Variants in THSD7B observed in about 807,000 individuals in gnomAD.
THSD7B encodes thrombospondin type-1 domain-containing protein 7B.
In THSD7B, 138 loss-of-function variants were observed where a neutral mutation model predicts 213.6. The ratio of observed to expected loss-of-function variants is 0.65; its 90% CI spans 0.56 to 0.74. The LOEUF (loss-of-function observed/expected upper bound fraction) is 0.74, where lower values mean the gene tolerates loss of function less well. THSD7B is among the 30% of genes least tolerant of loss of function. THSD7B has a pLI of 0.00. For synonymous variants in THSD7B, 742 were observed against 687.0 expected (o/e 1.08, Z -1.25); for missense variants, 1,931 against 1,991.5 (o/e 0.97, Z 0.58).
intron 12 of THSD7B, among the ~76,000 whole-genome samples, chr2:137,340,197 T>C (rs1024869095): frequency 6.6e-6 from 1 of 151,908 alleles, no homozygotes; most frequent in Non-Finnish European, 1.5e-5. Flanking sequence ...CTAAAATATA[T>C]TCTTCATATG....
chr2:136,936,466 TA>T (rs1305299054), intron 2 of THSD7B, among the ~76,000 whole-genome samples: 1 of 152,158 alleles, frequency 6.6e-6, no homozygotes, highest in Non-Finnish European at 1.5e-5. Context: ...GTGGTATGTG[TA>T]TATGATGGAA....
At chr2:136,908,719 AG>A (rs1158173493) in intron 2 of THSD7B, among the ~76,000 whole-genome samples, 1 of 152,246 alleles carries the variant, frequency 6.6e-6, no homozygotes, top group Non-Finnish European at 1.5e-5. Flanking sequence ...ATTGAGTCAA[AG>A]CAACCCAGCT....
chr2:137,426,474 A>T (rs1687057621), intron 14 of THSD7B, among the ~76,000 whole-genome samples: 1 of 152,206 alleles, frequency 6.6e-6, no homozygotes, highest in Non-Finnish European at 1.5e-5. Context: ...TACAGGCATA[A>T]AAACAGACAC....
intron 9 of THSD7B, among the ~76,000 whole-genome samples, chr2:137,239,939 T>A (rs1373504259): frequency 6.6e-6 from 1 of 152,184 alleles, no homozygotes; most frequent in African/African-American, 2.4e-5. Flanking sequence ...CTTCACATGG[T>A]GGAGAACACA....
At chr2:137,053,622 A>G (rs1188698425) in intron 2 of THSD7B, among the ~76,000 whole-genome samples, 1 of 152,172 alleles carries the variant, frequency 6.6e-6, no homozygotes, top group Non-Finnish European at 1.5e-5. Context: ...AAAAGTAAAG[A>G]CAAGAGTTAC....
At chr2:137,361,594 T>C (rs2104935574) in intron 12 of THSD7B, among the ~76,000 whole-genome samples, 1 of 152,238 alleles carries the variant, frequency 6.6e-6, no homozygotes, top group East Asian at 1.9e-4. Flanking sequence ...ATGCACAAGC[T>C]TCAGTAGCTG....
intron 12 of THSD7B, among the ~76,000 whole-genome samples, chr2:137,310,274 A>C (rs1343335582): frequency 2.6e-4 from 39 of 151,248 alleles, no homozygotes; most frequent in Non-Finnish European, 5.0e-4. Context: ...GCATTTTTTC[A>C]TGTGTTTTTT....
chr2:136,960,162 C>G (rs888529174), intron 2 of THSD7B, among the ~76,000 whole-genome samples: 2 of 152,112 alleles, frequency 1.3e-5, no homozygotes, highest in African/African-American at 2.4e-5. Context: ...AGGTCTCACT[C>G]TGTTACCCAG....
intron 1 of THSD7B, among the ~76,000 whole-genome samples, chr2:136,838,812 T>C (rs2104953701): frequency 6.6e-6 from 1 of 152,302 alleles, no homozygotes; most frequent in East Asian, 1.9e-4. Context: ...ATACTGGCAC[T>C]CAATGATAAA....
At chr2:137,279,570 A>G (rs1573929713) in intron 12 of THSD7B, among the ~76,000 whole-genome samples, 1 of 152,128 alleles carries the variant, frequency 6.6e-6, no homozygotes, top group South Asian at 2.1e-4. Flanking sequence ...AAATAAAGTG[A>G]TCGATGCAGT....
chr2:137,099,862 G>C (rs920849541), intron 4 of THSD7B, among the ~76,000 whole-genome samples: 1 of 152,058 alleles, frequency 6.6e-6, no homozygotes. Flanking sequence ...ACTCTGGTCC[G>C]GCACTGAATA....
chr2:136,855,052 A>G (rs999836613), intron 1 of THSD7B, among the ~76,000 whole-genome samples: 7 of 152,106 alleles, frequency 4.6e-5, no homozygotes, highest in African/African-American at 1.7e-4. Flanking sequence ...TCTGCCTCTG[A>G]TGGATTTGTG....
chr2:137,155,946 G>C (rs974257801), intron 5 of THSD7B: 1 of 152,162 alleles, frequency 6.6e-6, no homozygotes, highest in Admixed American at 6.5e-5. Flanking sequence ...AAGAAGGATA[G>C]ACAGAGATGA....
At chr2:136,774,431 G>A (rs183473908) in intron 1 of THSD7B, among the ~76,000 whole-genome samples, 3 of 152,152 alleles carry the variant, frequency 2.0e-5, no homozygotes, top group African/African-American at 7.2e-5. Context: ...TTGAATTTCT[G>A]ATAGTAACAG....
At chr2:137,457,269 A>AT (rs1687781566) in intron 15 of THSD7B, among the ~76,000 whole-genome samples, 1 of 152,046 alleles carries the variant, frequency 6.6e-6, no homozygotes, top group Non-Finnish European at 1.5e-5. Flanking sequence ...ACATTTTACT[A>AT]TATTTTTTCA....
chr2:137,622,281 A>G (rs1283003180), intron 20 of THSD7B, among the ~76,000 whole-genome samples: 6 of 152,224 alleles, frequency 3.9e-5, no homozygotes, highest in Non-Finnish European at 7.3e-5. Context: ...TTTCAGTAAC[A>G]ACTTAGAAGC....
intron 12 of THSD7B, among the ~76,000 whole-genome samples, chr2:137,401,770 G>A (rs1188047206): frequency 6.6e-6 from 1 of 150,614 alleles, no homozygotes; most frequent in African/African-American, 2.4e-5. Context: ...TGCATTTGTT[G>A]GCATTTAGAA....
chr2:136,833,433 A>ATTTT (rs56778387), intron 1 of THSD7B, among the ~76,000 whole-genome samples: 2,075 of 112,028 alleles, frequency 0.019, 60 homozygotes, highest in East Asian at 0.089. Flanking sequence ...ATTATTTTCT[A>ATTTT]TTTTTTTTTT....
chr2:137,164,643 A>G (rs182718964), intron 6 of THSD7B, among the ~76,000 whole-genome samples: 36 of 152,356 alleles, frequency 2.4e-4, no homozygotes, highest in African/African-American at 8.2e-4. Context: ...ATGTCCAACA[A>G]TGATAGACTG....
Sources: allele counts gnomAD v4.1 joint callset (sites outside exome capture counted in the v4.1 genomes callset), GRCh38; gene constraint gnomAD v4.1.1; transcripts MANE v1.5; gene names NCBI Gene and HGNC (gene_info 2026-07-23, HGNC 2026-07-21).